FOCAD: variants seen among roughly 807,000 people sequenced by gnomAD.
FOCAD encodes the protein KIAA1797.
A neutral mutation model predicts 225.6 loss-of-function variants in FOCAD; 198 were observed. The observed-to-expected ratio is 0.88, with a 90% CI of 0.78 to 0.99. FOCAD has a LOEUF of 0.99. Ranked by LOEUF, FOCAD falls within the 50% of genes least tolerant of loss-of-function variation. The pLI is 0.00. For missense variants in FOCAD, 2,713 were observed against 2,123.6 expected (o/e 1.28, Z -5.46); for synonymous variants, 897 against 755.0 (o/e 1.19, Z -3.08).
chr9:20,912,576 A>G (rs543454865), intron 22 of FOCAD, among the ~76,000 whole-genome samples: 1 of 152,252 alleles, frequency 6.6e-6, no homozygotes, highest in South Asian at 2.1e-4. Flanking sequence ...GATTTTTTAA[A>G]TGGGGTCTCT....
chr9:20,688,984 A>G (rs928804682), intron 1 of FOCAD, among the ~76,000 whole-genome samples: 5 of 152,200 alleles, frequency 3.3e-5, no homozygotes, highest in Admixed American at 2.0e-4. Context: ...AAAGGAGTTG[A>G]AACTATTGGT....
rs535183585 is a variant in FOCAD at position 20,924,235 on chromosome 9, A to G, written c.2961+467A>G. Among the ~76,000 whole-genome samples the G allele has an allele frequency of 5.3e-5, 8 of 152,280 alleles. No individual in the cohort carries two copies. The East Asian group carries it at 1.5e-3, about 29-fold the overall frequency. Reference sequence around the variant, plus strand: ...GTGAGCTGGCCACTGTTCATTTCTAATGTACTTTCTTGGATAATTCATATC... The same window carrying G: ...GTGAGCTGGCCACTGTTCATTTCTAGTGTACTTTCTTGGATAATTCATATC... On this transcript the variant is annotated intron_variant, in intron 25 of 43. Coordinates refer to ENST00000338382, the MANE Select transcript of FOCAD (RefSeq NM_001375567.1).
intron 6 of FOCAD, among the ~76,000 whole-genome samples, chr9:20,764,523 AT>A (rs1030483903): frequency 3.8e-4 from 58 of 152,320 alleles, no homozygotes; most frequent in African/African-American, 1.3e-3. Context: ...AAGTGCTGGG[AT>A]TTTTATAGGC....
intron 11 of FOCAD, among the ~76,000 whole-genome samples, chr9:20,796,956 A>C (rs190295672): frequency 6.6e-6 from 1 of 152,126 alleles, no homozygotes; most frequent in African/African-American, 2.4e-5. Flanking sequence ...TAGGTCTAAC[A>C]TTTAAGTCTT....
intron 38 of FOCAD, among the ~76,000 whole-genome samples, chr9:20,982,047 G>A (rs1840746140): frequency 6.6e-6 from 1 of 152,102 alleles, no homozygotes; most frequent in South Asian, 2.1e-4. Context: ...AAACAATTTA[G>A]CATCGCCCTT....
At chr9:20,799,476 G>T (rs1468636192) in intron 11 of FOCAD, among the ~76,000 whole-genome samples, 1 of 152,136 alleles carries the variant, frequency 6.6e-6, no homozygotes. Context: ...TATTGTGTGG[G>T]AGTCTAAGTC....
chr9:20,937,580 A>G (rs1836124360), intron 28 of FOCAD, among the ~76,000 whole-genome samples: 2 of 152,268 alleles, frequency 1.3e-5, no homozygotes, highest in South Asian at 4.2e-4. Context: ...AAATTAATTC[A>G]AGATGGATTA....
chr9:20,919,795 T>G (rs1834219962), intron 24 of FOCAD, among the ~76,000 whole-genome samples: 1 of 152,124 alleles, frequency 6.6e-6, no homozygotes, highest in Admixed American at 6.5e-5. Context: ...TCCTTACACC[T>G]TATACGAAAA....
intron 35 of FOCAD, among the ~76,000 whole-genome samples, chr9:20,975,050 T>G (rs1052796105): frequency 2.6e-5 from 4 of 152,160 alleles, no homozygotes; most frequent in Non-Finnish European, 4.4e-5. Context: ...TGCCTCTGCT[T>G]TTCCTTTTCC....
intron 24 of FOCAD, among the ~76,000 whole-genome samples, chr9:20,917,483 C>G (rs921209201): frequency 2.0e-5 from 3 of 152,122 alleles, no homozygotes; most frequent in African/African-American, 7.2e-5. Flanking sequence ...TTACCTTAAG[C>G]CAGCTCTCAC....
At chr9:20,804,994 A>G (rs1318724450) in intron 11 of FOCAD, among the ~76,000 whole-genome samples, 1 of 152,146 alleles carries the variant, frequency 6.6e-6, no homozygotes, top group Non-Finnish European at 1.5e-5. Flanking sequence ...ATCTGTGCCT[A>G]TTAGGACCGC....
intron 1 of FOCAD, among the ~76,000 whole-genome samples, chr9:20,711,391 T>C (rs1169653051): frequency 1.3e-5 from 2 of 152,202 alleles, no homozygotes. Flanking sequence ...GATTTGCATT[T>C]AATCCAACAA....
intron 4 of FOCAD, among the ~76,000 whole-genome samples, chr9:20,736,634 C>G (rs1044322441): frequency 6.6e-6 from 1 of 152,104 alleles, no homozygotes; most frequent in Admixed American, 6.5e-5. Context: ...ACAGCGTCAT[C>G]TGAAAGAGGG....
At chr9:20,743,891 A>G (rs1427943998) in intron 5 of FOCAD, among the ~76,000 whole-genome samples, 1 of 152,120 alleles carries the variant, frequency 6.6e-6, no homozygotes, top group Non-Finnish European at 1.5e-5. Context: ...TGGCTTACCT[A>G]TGCCTCCTTT....
chr9:20,918,580 C>T lies in FOCAD; in HGVS notation c.2852+1643C>T, dbSNP rs541885675. Among the ~76,000 whole-genome samples, 417 of 152,132 alleles carry T rather than the reference C, an allele frequency of 2.7e-3. 1 individual carries two copies. Among genetic ancestry groups the T allele is most frequent in the Admixed American group, 5.1e-3 (78 of 15,288 alleles). ...CTACTAAAAATACAAAAAAATTAGC[C>T]GGGCGTAATGGCGGGCGCCTGTAGT... On this transcript the variant is annotated intron_variant, in intron 24 of 43. Coordinates refer to ENST00000338382, the MANE Select transcript of FOCAD (RefSeq NM_001375567.1).
intron 21 of FOCAD, among the ~76,000 whole-genome samples, chr9:20,897,834 GCCTT>G (rs1237269568): frequency 6.6e-6 from 1 of 151,650 alleles, no homozygotes; most frequent in Non-Finnish European, 1.5e-5. Flanking sequence ...CTCCTCTGAT[GCCTT>G]CCTTTCTTTA....
chr9:20,720,499 TCTCAATGGGATA>T lies in FOCAD; in HGVS notation c.258_269del (p.Gly87_Asn90del). The T allele has an allele frequency of 6.2e-7, 1 of 1,614,090 alleles. No homozygotes were observed. Reference sequence around the variant, plus strand: ...AGGATCATGCAGAGTTCAGCTATGTTCTCAATGGGATACTCAACTTGATTCCATCAACCAGGT... The same window carrying T: ...AGGATCATGCAGAGTTCAGCTATGTTCTCAACTTGATTCCATCAACCAGGT... On this transcript the variant is annotated inframe_deletion, in exon 4 of 44. Transcript: ENST00000338382.
chr9:20,729,146 C>A (rs1294720980), intron 4 of FOCAD, among the ~76,000 whole-genome samples: 1 of 152,214 alleles, frequency 6.6e-6, no homozygotes, highest in Non-Finnish European at 1.5e-5. Flanking sequence ...AACTTGGTGG[C>A]TTAAGACAAC....
chr9:20,990,801 T>A (rs1005519332), intron 42 of FOCAD, among the ~76,000 whole-genome samples: 2 of 152,106 alleles, frequency 1.3e-5, no homozygotes, highest in Admixed American at 1.3e-4. Context: ...AATGCCTGGG[T>A]GGGTCAGGAA....
Sources: allele counts gnomAD v4.1 joint callset (sites outside exome capture counted in the v4.1 genomes callset), GRCh38; gene constraint gnomAD v4.1.1; transcripts MANE v1.5; gene names NCBI Gene and HGNC (gene_info 2026-07-23, HGNC 2026-07-21).